The following SPAG16 variants were observed in gnomAD, a reference collection of about 807,000 sequenced individuals.
SPAG16 encodes sperm associated antigen 16.
In SPAG16, 86 loss-of-function variants were observed where a neutral mutation model predicts 80.4. That is an observed-to-expected ratio of 1.07 (90% confidence interval 0.90 to 1.28). The LOEUF is 1.28. Among genes scored for constraint, SPAG16 ranks in the 50% most tolerant of loss-of-function variants. SPAG16 has a pLI of 0.00. For synonymous variants in SPAG16, 294 were observed against 265.9 expected (o/e 1.11, Z -1.03); for missense variants, 870 against 765.3 (o/e 1.14, Z -1.61).
chr2:214,054,605 T>A (rs1394923683), intron 13 of SPAG16, among the ~76,000 whole-genome samples: 2 of 152,184 alleles, frequency 1.3e-5, no homozygotes, highest in African/African-American at 4.8e-5. Flanking sequence ...GCATATAGTA[T>A]AATATTTCTA....
chr2:213,949,261 C>G (rs1379912418), intron 12 of SPAG16, among the ~76,000 whole-genome samples: 2 of 141,658 alleles, frequency 1.4e-5, no homozygotes, highest in Non-Finnish European at 3.0e-5. Flanking sequence ...AGCTCCACCT[C>G]CCAGGTTCAA....
At chr2:213,380,066 T>G (rs1018456074) in intron 9 of SPAG16, among the ~76,000 whole-genome samples, 1 of 152,204 alleles carries the variant, frequency 6.6e-6, no homozygotes, top group Non-Finnish European at 1.5e-5. Flanking sequence ...TTCCTGAATT[T>G]CCTTGTCACC....
At chr2:213,833,480 TATATATTATATATA>T (rs2073829907) in intron 10 of SPAG16, among the ~76,000 whole-genome samples, 2 of 2,812 alleles carry the variant, frequency 7.1e-4, no homozygotes, top group African/African-American at 9.3e-4. Flanking sequence ...TATAATAATA[TATATATTATATATA>T]ATATATATAT....
chr2:214,333,222 T>C (rs563297638), intron 15 of SPAG16, among the ~76,000 whole-genome samples: 30 of 152,356 alleles, frequency 2.0e-4, no homozygotes, highest in African/African-American at 7.2e-4. Flanking sequence ...GGCTTTTTAT[T>C]GGTGCTTCTG....
intron 11 of SPAG16, among the ~76,000 whole-genome samples, chr2:213,886,545 A>G (rs945440551): frequency 6.6e-6 from 1 of 152,092 alleles, no homozygotes; most frequent in Non-Finnish European, 1.5e-5. Flanking sequence ...GCAGCAGCAA[A>G]AACATGAGAA....
intron 11 of SPAG16, among the ~76,000 whole-genome samples, chr2:213,924,943 A>G (rs1382097980): frequency 1.3e-5 from 2 of 151,916 alleles, no homozygotes; most frequent in Non-Finnish European, 2.9e-5. Flanking sequence ...TTAGATGTTT[A>G]TAATTGTAAG....
intron 15 of SPAG16, among the ~76,000 whole-genome samples, chr2:214,359,045 A>T (rs1699003542): frequency 6.6e-6 from 1 of 151,728 alleles, no homozygotes; most frequent in East Asian, 1.9e-4. Context: ...ATAATATAAG[A>T]CTCTGCTGTG....
At chr2:213,801,700 T>G (rs2071417890) in intron 10 of SPAG16, among the ~76,000 whole-genome samples, 1 of 152,192 alleles carries the variant, frequency 6.6e-6, no homozygotes, top group Non-Finnish European at 1.5e-5. Flanking sequence ...GACTCTGAGA[T>G]GGAACTTTGA....
intron 9 of SPAG16, among the ~76,000 whole-genome samples, chr2:213,468,325 G>C (rs1045225379): frequency 1.3e-5 from 2 of 148,744 alleles, no homozygotes; most frequent in African/African-American, 2.5e-5. Flanking sequence ...TATTAGTCAG[G>C]GCTCTCTAGA....
intron 10 of SPAG16, among the ~76,000 whole-genome samples, chr2:213,714,906 T>C (rs546219690): frequency 6.6e-5 from 10 of 152,238 alleles, no homozygotes; most frequent in African/African-American, 2.4e-4. Context: ...CCCCACTAAG[T>C]AGGTTTGAAT....
At chr2:213,322,558 A>G (rs2063671395) in intron 5 of SPAG16, among the ~76,000 whole-genome samples, 2 of 152,000 alleles carry the variant, frequency 1.3e-5, no homozygotes, top group Admixed American at 1.3e-4. Context: ...CTGTGACATC[A>G]TACTGTTCTG....
intron 12 of SPAG16, among the ~76,000 whole-genome samples, chr2:213,982,002 A>G (rs541814686): frequency 6.6e-6 from 1 of 151,338 alleles, no homozygotes; most frequent in South Asian, 2.1e-4. Context: ...AGCTTACAAC[A>G]GAGACATAGA....
At chr2:213,754,825 A>C (rs1489395022) in intron 10 of SPAG16, among the ~76,000 whole-genome samples, 2 of 152,166 alleles carry the variant, frequency 1.3e-5, no homozygotes, top group African/African-American at 4.8e-5. Context: ...AAGACATGTT[A>C]AGCAATGTGA....
rs1400303498 is a variant in SPAG16 at position 213,987,317 on chromosome 2, G to A, written c.1401-26634G>A. ...TCATTCTGCCTTTCTCATTAGATCC[G>A]AATTAGGACCTCAGAAGCTCACTAA... is the stretch of plus-strand genomic sequence containing the variant. On this transcript the variant is annotated intron_variant, in intron 12 of 15. Transcript: ENST00000331683. 3.9e-5 allele frequency among the ~76,000 whole-genome samples: 6 copies of A among 151,920 alleles called. 1 individual carries two copies. The highest frequency in any genetic ancestry group is 2.0e-4 in the Admixed American group (3 of 15,214).
intron 15 of SPAG16, among the ~76,000 whole-genome samples, chr2:214,389,662 A>G (rs1314081768): frequency 6.6e-6 from 1 of 152,242 alleles, no homozygotes; most frequent in Non-Finnish European, 1.5e-5. Context: ...TAGAGATGCC[A>G]CTATTGACAA....
intron 10 of SPAG16, among the ~76,000 whole-genome samples, chr2:213,731,540 A>T (rs2067044402): frequency 6.6e-6 from 1 of 151,706 alleles, no homozygotes; most frequent in African/African-American, 2.4e-5. Flanking sequence ...ACATAGGTAA[A>T]TGTGTGCCAT....
intron 12 of SPAG16, among the ~76,000 whole-genome samples, chr2:213,938,383 C>T (rs1021593799): frequency 1.1e-4 from 17 of 151,796 alleles, no homozygotes; most frequent in Non-Finnish European, 2.1e-4. Flanking sequence ...TTTACTTGTA[C>T]ATGTATGTGT....
chr2:214,343,957 T>C (rs1697889976), intron 15 of SPAG16, among the ~76,000 whole-genome samples: 1 of 152,178 alleles, frequency 6.6e-6, no homozygotes, highest in Non-Finnish European at 1.5e-5. Context: ...AACTCAACCA[T>C]ATGCGAATGG....
intron 15 of SPAG16, among the ~76,000 whole-genome samples, chr2:214,231,021 T>C (rs1912181): frequency 0.73 from 110,762 of 151,694 alleles, 42,983 homozygotes; most frequent in South Asian, 0.87. Context: ...ATGCCTTCTT[T>C]GGTTGACAAG....
Sources: allele counts gnomAD v4.1 joint callset (sites outside exome capture counted in the v4.1 genomes callset), GRCh38; gene constraint gnomAD v4.1.1; transcripts MANE v1.5; gene names NCBI Gene and HGNC (gene_info 2026-07-23, HGNC 2026-07-21).